Variants in PCDHGA10 observed in about 807,000 individuals in gnomAD.
PCDHGA10 encodes the protein protocadherin gamma-A10.
PCDHGA10 carries 42 observed loss-of-function variants against 59.5 expected under a neutral mutation model. The observed-to-expected ratio is 0.71, with a 90% CI of 0.55 to 0.91. The LOEUF is 0.91. Among genes scored for constraint, PCDHGA10 ranks in the 40% least tolerant of loss-of-function variants. The pLI is 0.00. For missense variants in PCDHGA10, 1,111 were observed against 1,198.2 expected, an observed-to-expected ratio of 0.93 and a Z score of 1.07; for synonymous variants, 511 against 517.2, an observed-to-expected ratio of 0.99 and a Z score of 0.16.
At position 141,511,516 on chromosome 5, in the gene PCDHGA10, T is replaced by A. The variant is rs2099883825; in HGVS notation, c.*343T>A. ...CTTCCAAATCAATCAGGCCCATCCA[T>A]CCCATGCCTCCCTCCTCCCCACCCC... is the stretch of plus-strand genomic sequence containing the variant. On this transcript the variant is annotated 3_prime_UTR_variant, in exon 4 of 4. Transcript: ENST00000398610. 1 of 365,020 alleles carries A rather than the reference T, an allele frequency of 2.7e-6. No individual in the cohort carries two copies. Among genetic ancestry groups the A allele is most frequent in the Admixed American group, 4.0e-5 (1 of 25,162 alleles). The allele number at this position is 365,020 out of a possible 1,614,324, so 22.6% of individuals were successfully genotyped here.
intron 1 of PCDHGA10, chr5:141,430,711 C>T (rs2097304226): frequency 1.3e-6 from 2 of 1,483,856 alleles, no homozygotes; most frequent in African/African-American, 2.8e-5. Context: ...CTGCTCCTGA[C>T]TTCAGTGGTT....
rs186288044 is a variant in PCDHGA10, at chr5:141,433,652, A to G, written c.2436+18041A>G. On this transcript the variant is annotated intron_variant, in intron 1 of 3. Transcript: ENST00000398610. ...GGAGTTTGAGACCAGCCTGACCAAC[A>G]TGGAGAAACCCCGTCTATACTAAAA... is the stretch of plus-strand genomic sequence containing the variant. 1.0e-2 allele frequency among the ~76,000 whole-genome samples: 1,520 copies of G among 152,208 alleles called. 33 individuals are homozygous for G. The highest frequency in any genetic ancestry group is 0.034 in the African/African-American group (1,423 of 41,538).
chr5:141,489,208 C>A lies in PCDHGA10; in HGVS notation c.2437-5599C>A. On this transcript the variant is annotated intron_variant, in intron 1 of 3. Coordinates refer to ENST00000398610, the MANE Select transcript of PCDHGA10 (RefSeq NM_018913.3). The surrounding 1 kb of genome is among the most constrained non-coding windows in gnomAD (Gnocchi z 4.5). The stretch of plus-strand genomic sequence containing the variant: ...GGTCTACCTTGGAGACAGGACAGCA[C>A]AGACTTACTCTCCACAAAGGGACTT... 1 of 1,451,152 alleles carries A rather than the reference C, an allele frequency of 6.9e-7. No individual in the cohort carries two copies. The highest frequency in any genetic ancestry group is 9.3e-7 in the Non-Finnish European group (1 of 1,072,112). 89.9% of individuals were successfully genotyped at this position (1,451,152 alleles called of 1,614,324 possible).
intron 1 of PCDHGA10, chr5:141,418,379 C>T: frequency 6.2e-7 from 1 of 1,613,966 alleles, no homozygotes; most frequent in Non-Finnish European, 8.5e-7. Flanking sequence ...CCAACTAAGT[C>T]CTAACGAGTA....
intron 1 of PCDHGA10, chr5:141,417,855 G>A: frequency 6.5e-7 from 1 of 1,544,918 alleles, no homozygotes. Context: ...GAACCCGAGC[G>A]AACGATGGGA....
intron 1 of PCDHGA10, among the ~76,000 whole-genome samples, chr5:141,458,236 C>T (rs6874378): frequency 0.18 from 27,546 of 152,106 alleles, 2,658 homozygotes; most frequent in Admixed American, 0.28. Flanking sequence ...AGTCCATGCA[C>T]CAAAATGATA....
intron 1 of PCDHGA10, among the ~76,000 whole-genome samples, chr5:141,446,824 A>T (rs973108119): frequency 1.3e-5 from 2 of 152,156 alleles, no homozygotes; most frequent in African/African-American, 4.8e-5. Flanking sequence ...AGATGGGTAG[A>T]TCCTTATAAG....
intron 1 of PCDHGA10, chr5:141,419,210 G>A: frequency 6.2e-7 from 1 of 1,613,926 alleles, no homozygotes; most frequent in Non-Finnish European, 8.5e-7. Flanking sequence ...CAACGCGCCG[G>A]TTTTCGGACA....
In PCDHGA10 at chr5:141,432,357, T is replaced by C. The variant is rs778669079; in HGVS notation, c.2436+16746T>C. 6.2e-7 allele frequency: 1 copy of C among 1,614,244 alleles called. No homozygotes were observed. Among genetic ancestry groups the C allele is most frequent in the African/African-American group, 1.3e-5 (1 of 75,072 alleles). The stretch of plus-strand genomic sequence containing the variant: ...TTCCGAGACTTGCAAGTGAAAGTGA[T>C]GGCGCGGGACAACGGGCACCCGCCC... On this transcript the variant is annotated intron_variant, in intron 1 of 3. Coordinates refer to ENST00000398610, the MANE Select transcript of PCDHGA10 (RefSeq NM_018913.3). This position sits in a 1 kb window ranked among gnomAD's most constrained non-coding sequence, Gnocchi z 6.0.
intron 1 of PCDHGA10, chr5:141,422,396 A>G (rs767394630): frequency 6.3e-6 from 10 of 1,597,278 alleles, no homozygotes; most frequent in Non-Finnish European, 8.5e-6. Flanking sequence ...ATTCCTAACC[A>G]CCTGCCTTTT....
At position 141,448,695 on chromosome 5, in the gene PCDHGA10, C is replaced by T. The variant is rs535473305; in HGVS notation, c.2436+33084C>T. 2.7e-4 allele frequency among the ~76,000 whole-genome samples: 41 copies of T among 152,246 alleles called. No homozygotes were observed. In the South Asian group the frequency reaches 8.5e-3, roughly 32 times the overall value. On this transcript the variant is annotated intron_variant, in intron 1 of 3. Coordinates refer to ENST00000398610, the MANE Select transcript of PCDHGA10 (RefSeq NM_018913.3). Reference sequence around the variant, plus strand: ...GTGGCTCACGCCTGTAATCGCAGCACTTTGGGAGGCCGAGGCGGGAGGATC... The same window carrying T: ...GTGGCTCACGCCTGTAATCGCAGCATTTTGGGAGGCCGAGGCGGGAGGATC...
intron 1 of PCDHGA10, chr5:141,423,222 G>A (rs760308436): frequency 1.2e-6 from 2 of 1,613,688 alleles, no homozygotes; most frequent in Non-Finnish European, 1.7e-6. Context: ...CCGTGGCTGT[G>A]GCCGACAGCA....
In PCDHGA10 at chr5:141,477,825, C is replaced by A; in HGVS notation, c.2437-16982C>A. The A allele has an allele frequency of 2.5e-6, 4 of 1,614,174 alleles. No individual in the cohort carries two copies. The South Asian group carries it at 4.4e-5, about 18-fold the overall frequency. On this transcript the variant is annotated intron_variant, in intron 1 of 3. Transcript: ENST00000398610. This position sits in a 1 kb window ranked among gnomAD's most constrained non-coding sequence, Gnocchi z 4.9. ...GACAATGCCCCCCAGGTCCTATATC[C>A]TCGGCCAGGTGGGAGCTCGGTGGAG...
chr5:141,485,866 C>T lies in PCDHGA10; in HGVS notation c.2437-8941C>T. The T allele has an allele frequency of 2.5e-6, 4 of 1,614,144 alleles. No individual in the cohort carries two copies. Among genetic ancestry groups the T allele is most frequent in the Non-Finnish European group, 3.4e-6 (4 of 1,180,014 alleles). On this transcript the variant is annotated intron_variant, in intron 1 of 3. Coordinates refer to ENST00000398610, the MANE Select transcript of PCDHGA10 (RefSeq NM_018913.3). The surrounding 1 kb of genome is among the most constrained non-coding windows in gnomAD (Gnocchi z 5.7). ...CTGGCACCGCAGAGCTCCGGGTATCCGTGCTGGACGTAAACGACAACGCCC... is the reference window on the plus strand; with the variant it reads ...CTGGCACCGCAGAGCTCCGGGTATCTGTGCTGGACGTAAACGACAACGCCC...
intron 1 of PCDHGA10, among the ~76,000 whole-genome samples, chr5:141,446,802 G>T (rs2098516342): frequency 6.6e-6 from 1 of 152,130 alleles, no homozygotes; most frequent in South Asian, 2.1e-4. Flanking sequence ...CTTCCATTGT[G>T]ATCATCTAGT....
intron 1 of PCDHGA10, chr5:141,471,546 G>T (rs1271594387): frequency 6.6e-6 from 1 of 152,202 alleles, no homozygotes; most frequent in African/African-American, 2.4e-5. Flanking sequence ...AGCATTTAAG[G>T]TTGCTTTGAC....
intron 1 of PCDHGA10, chr5:141,475,934 G>C (rs754356530): frequency 3.0e-6 from 2 of 665,118 alleles, no homozygotes; most frequent in Non-Finnish European, 5.0e-6. Context: ...TCGGGCCCCT[G>C]CCCGTCCCCT....
At position 141,484,779 on chromosome 5, in the gene PCDHGA10, C is replaced by G. The variant is rs186158562; in HGVS notation, c.2437-10028C>G. On this transcript the variant is annotated intron_variant, in intron 1 of 3. Transcript: ENST00000398610. ...ATATATATATATGTTGTCTGCCTCCCCACAGAGATAACAACCCGTGGAAAA... is the reference window on the plus strand; with the variant it reads ...ATATATATATATGTTGTCTGCCTCCGCACAGAGATAACAACCCGTGGAAAA... Among the ~76,000 whole-genome samples, 137 of 152,130 alleles carry G rather than the reference C, an allele frequency of 9.0e-4. 1 individual carries two copies. Among genetic ancestry groups the G allele is most frequent in the Non-Finnish European group, 1.6e-3 (110 of 67,996 alleles).
rs1349224471 is a variant in PCDHGA10, at chr5:141,415,123, G to T, written c.1948G>T (p.Val650Phe). Residue 650 changes from valine to phenylalanine, a missense_variant, in exon 1 of 4, where the codon GTC (valine) becomes TTC (phenylalanine). Val to Phe is a conservative substitution (Grantham distance 50). Transcript: ENST00000398610. Reference protein sequence around the residue: ...DALKQSLVVAVQDHGQPPLSA... With the variant: ...DALKQSLVVAFQDHGQPPLSA... ...GCTCAAGCAAAGCCTCGTAGTGGCC[G>T]TCCAGGACCACGGCCAGCCCCCTCT... 1.9e-6 allele frequency: 3 copies of T among 1,613,540 alleles called. No homozygotes were observed.
Sources: gnomAD v4.1 joint callset for allele counts (sites outside exome capture counted in the v4.1 genomes callset) on GRCh38, gnomAD v4.1.1 for gene constraint, Gnocchi (gnomAD v3.1) non-coding constraint, MANE v1.5 for transcripts, NCBI Gene and HGNC (gene_info 2026-07-23, HGNC 2026-07-21) for gene names.